Variants in TPM1 observed in about 807,000 individuals in gnomAD.
The protein encoded by TPM1 is tropomyosin alpha-1 chain.
TPM1 carries 24 observed loss-of-function variants against 42.9 expected under a neutral mutation model. The observed-to-expected ratio is 0.56, with a 90% CI of 0.41 to 0.79. TPM1 has a LOEUF of 0.79. TPM1 is among the 30% of genes least tolerant of loss of function. The pLI is 0.00. For missense variants in TPM1, 158 were observed against 351.8 expected (o/e 0.45, Z 4.41); for synonymous variants, 136 against 130.1 (o/e 1.05, Z -0.31).
rs1004179784 is a variant in TPM1, at chr15:63,059,545, G to C, written c.375-18G>C. On this transcript the variant is annotated intron_variant, in intron 3 of 9. Coordinates refer to ENST00000403994, the MANE Select transcript of TPM1 (RefSeq NM_001018005.2). ...TCAGCTCTAAATCTTGGGTTTTCTT[G>C]CTTGTCTTTCTTTTCAGAGGCATGA... The C allele has an allele frequency of 2.5e-6, 4 of 1,597,686 alleles. No individual in the cohort carries two copies. Among genetic ancestry groups the C allele is most frequent in the Non-Finnish European group, 3.4e-6 (4 of 1,168,208 alleles).
At chr15:63,043,700 C>A (rs757514097) in intron 1 of TPM1, 11 of 1,545,266 alleles carry the variant, frequency 7.1e-6, no homozygotes, top group Non-Finnish European at 8.7e-6. Flanking sequence ...CCGCCGCTGC[C>A]CCCAGCTCGA....
chr15:63,069,755 A>G (rs971681842), downstream of TPM1: 79 of 1,310,582 alleles, frequency 6.0e-5, no homozygotes, highest in Non-Finnish European at 7.5e-5. Flanking sequence ...GCAAGTGACC[A>G]GTTGCTGTCC....
At chr15:63,058,599 C>G (rs554073477) in intron 3 of TPM1, among the ~76,000 whole-genome samples, 1 of 152,230 alleles carries the variant, frequency 6.6e-6, no homozygotes, top group South Asian at 2.1e-4. Context: ...ATCCCAGCTA[C>G]TCGGGAGGCT....
intron 9 of TPM1, chr15:63,064,838 A>C (rs2036097835): frequency 2.0e-6 from 1 of 490,276 alleles, no homozygotes. Context: ...GTGGTGGTGG[A>C]TGCCTGTAGT....
chr15:63,069,098 A>G (rs535565755), downstream of TPM1, among the ~76,000 whole-genome samples: 1 of 152,282 alleles, frequency 6.6e-6, no homozygotes, highest in East Asian at 1.9e-4. Context: ...GCTTGCAGTG[A>G]GCTGAGATCA....
intron 2 of TPM1, 45 bp from the exon 3 acceptor site, chr15:63,056,940 C>T: frequency 6.2e-7 from 1 of 1,613,666 alleles, no homozygotes; most frequent in Non-Finnish European, 8.5e-7. Context: ...AGCTACCACC[C>T]TCACTTTCTC....
chr15:63,061,365 C>A, intron 5 of TPM1: 1 of 1,136,406 alleles, frequency 8.8e-7, no homozygotes, highest in Non-Finnish European at 1.3e-6. Context: ...ATAACGACTG[C>A]ACCTTCACTT....
chr15:63,048,737 C>G, intron 2 of TPM1: 2 of 1,527,338 alleles, frequency 1.3e-6, no homozygotes, highest in Non-Finnish European at 1.8e-6. Context: ...CCCCGCAGCC[C>G]CCAGAGGCGC....
intron 8 of TPM1, chr15:63,063,118 G>A (rs2035873431): frequency 1.0e-6 from 1 of 979,676 alleles, no homozygotes; most frequent in Non-Finnish European, 1.2e-6. Flanking sequence ...TTTATATCCT[G>A]AAGGAGGAGG....
chr15:63,061,766 C>A lies in TPM1; in HGVS notation c.617C>A (p.Ser206Ter). The part of the protein sequence containing the change: ...ELKTVTNNLK[S>*]LEAQAEKYSQ... The stretch of plus-strand genomic sequence containing the variant: ...AAAACTGTGACGAACAACTTGAAGT[C>A]ACTGGAGGCTCAGGCTGAGAAGGTA... Residue 206 changes from serine to a stop codon, truncating the protein, a stop_gained, in exon 6 of 10, where the codon TCA becomes TAA. Transcript: ENST00000403994. LOFTEE classifies it high-confidence loss of function. 1 of 1,614,048 alleles carries A rather than the reference C, an allele frequency of 6.2e-7. No individual in the cohort carries two copies. The highest frequency in any genetic ancestry group is 1.1e-5 in the South Asian group (1 of 91,066).
Position 63,066,044 on chromosome 15 carries a change from A to G in TPM1, c.*145A>G, listed in dbSNP as rs148842623. 45 of 1,544,806 alleles carry G rather than the reference A, an allele frequency of 2.9e-5. No homozygotes were observed. The highest frequency in any genetic ancestry group is 1.6e-4 in the Admixed American group (8 of 50,950). On this transcript the variant is annotated 3_prime_UTR_variant, in exon 10 of 10. Coordinates refer to ENST00000403994, the MANE Select transcript of TPM1 (RefSeq NM_001018005.2). ...GAGCCAGGCACACACTGTGCTTTCT[A>G]TTGTACAGAAGCTCTTCGTTTCAGT... is the stretch of plus-strand genomic sequence containing the variant.
At chr15:63,052,288 C>T (rs908458018) in intron 2 of TPM1, among the ~76,000 whole-genome samples, 4 of 152,116 alleles carry the variant, frequency 2.6e-5, no homozygotes, top group South Asian at 2.1e-4. Flanking sequence ...TTTGGGCGGC[C>T]GAGACGGGTG....
intron 2 of TPM1, among the ~76,000 whole-genome samples, chr15:63,053,395 G>A (rs970384411): frequency 5.3e-5 from 8 of 152,092 alleles, no homozygotes; most frequent in Admixed American, 3.3e-4. Flanking sequence ...GTGATGTTCC[G>A]GGAAGCCAGG....
Position 63,062,205 on chromosome 15 carries a change from C to A in TPM1, c.640-10C>A. ...CAGCCTGACATCTGGAATGCTCTTT[C>A]TAATTACAGTACTCGCAGAAGGAAG... On this transcript the variant is annotated splice_polypyrimidine_tract_variant and intron_variant, in intron 6 of 9. Transcript: ENST00000403994. The A allele has an allele frequency of 1.2e-6, 2 of 1,613,682 alleles. No homozygotes were observed. Among genetic ancestry groups the A allele is most frequent in the Non-Finnish European group, 1.7e-6 (2 of 1,179,644 alleles).
At chr15:63,048,562 T>G in intron 2 of TPM1, 1 of 1,521,952 alleles carries the variant, frequency 6.6e-7, no homozygotes, top group Non-Finnish European at 8.8e-7. Flanking sequence ...CCCGCCCGCC[T>G]ACCGTCCGGC....
chr15:63,063,399 G>T, intron 8 of TPM1: 7 of 984,538 alleles, frequency 7.1e-6, no homozygotes, highest in Non-Finnish European at 8.4e-6. Context: ...TATGAAACCT[G>T]CAGCATTACA....
At chr15:63,071,029 C>T, downstream of TPM1, 1 of 1,609,970 alleles carries the variant, frequency 6.2e-7, no homozygotes, top group Non-Finnish European at 8.5e-7. Context: ...CCTAAATGTA[C>T]AAACCACCAT....
chr15:63,061,636 T>C (rs1019674554), intron 5 of TPM1, 77 bp from the exon 6 acceptor site: 1 of 1,380,590 alleles, frequency 7.2e-7, no homozygotes, highest in African/African-American at 1.4e-5. Flanking sequence ...TTTCATTTTT[T>C]CCCATCCCTC....
chr15:63,052,944 A>G (rs1445327378), intron 2 of TPM1, among the ~76,000 whole-genome samples: 1 of 152,192 alleles, frequency 6.6e-6, no homozygotes, highest in Non-Finnish European at 1.5e-5. Context: ...CAAAAATTCT[A>G]CTAGGCCAGT....
Sources: allele counts gnomAD v4.1 joint callset (sites outside exome capture counted in the v4.1 genomes callset), GRCh38; gene constraint gnomAD v4.1.1; transcripts MANE v1.5; gene names NCBI Gene and HGNC (gene_info 2026-07-23, HGNC 2026-07-21).